Variants in RUNX1T1 observed in about 807,000 individuals in gnomAD.
RUNX1T1 encodes protein CBFA2T1.
Under a neutral mutation model 62.8 loss-of-function variants are expected in RUNX1T1, and 4 were observed. That is an observed-to-expected ratio of 0.06 (90% CI 0.03 to 0.15). The LOEUF is 0.15. RUNX1T1 is among the 10% of genes least tolerant of loss of function. The pLI, the probability that RUNX1T1 is intolerant of heterozygous loss-of-function variation, is 1.00. For missense variants in RUNX1T1, 508 were observed against 754.3 expected, an observed-to-expected ratio of 0.67 and a Z score of 3.82; for synonymous variants, 291 against 286.0, an observed-to-expected ratio of 1.02 and a Z score of -0.18.
intron 1 of RUNX1T1, chr8:92,095,143 A>G (rs1333697453): frequency 1.3e-6 from 2 of 1,535,524 alleles, no homozygotes; most frequent in Admixed American, 2.0e-5. Context: ...TCACTCTGCT[A>G]ATCTTTAAAT....
At chr8:91,967,401 T>C (rs888139258) in intron 10 of RUNX1T1, among the ~76,000 whole-genome samples, 1 of 143,770 alleles carries the variant, frequency 7.0e-6, no homozygotes, top group African/African-American at 2.6e-5. Context: ...CTACAAATAA[T>C]ATCCATGAGT....
intron 1 of RUNX1T1, among the ~76,000 whole-genome samples, chr8:92,080,476 G>A (rs1835078002): frequency 6.6e-6 from 1 of 152,208 alleles, no homozygotes; most frequent in African/African-American, 2.4e-5. Context: ...ACACTGAGCA[G>A]CAGGACACTG....
intron 1 of RUNX1T1, among the ~76,000 whole-genome samples, chr8:92,060,921 AT>A: frequency 7.1e-6 from 1 of 139,880 alleles, no homozygotes; most frequent in Non-Finnish European, 1.6e-5. Context: ...AACACAGTTG[AT>A]GAGAGAGAGA....
chr8:92,015,552 C>G (rs549813589), intron 2 of RUNX1T1, among the ~76,000 whole-genome samples: 1 of 152,206 alleles, frequency 6.6e-6, no homozygotes, highest in Middle Eastern at 3.4e-3. Flanking sequence ...AGACGATAAT[C>G]CCTGTCACTC....
upstream of RUNX1T1, among the ~76,000 whole-genome samples, chr8:92,067,333 A>G (rs1311438611): frequency 6.6e-6 from 1 of 152,178 alleles, no homozygotes; most frequent in Non-Finnish European, 1.5e-5. Context: ...CTGTTTAGAA[A>G]TCCTCATCTA....
At chr8:91,956,916 G>A (rs1299260717), downstream of RUNX1T1, 1 of 161,678 alleles carries the variant, frequency 6.2e-6, no homozygotes, top group Non-Finnish European at 1.3e-5. Context: ...GGCATGCTTT[G>A]CATAAGTAAA....
intron 1 of RUNX1T1, among the ~76,000 whole-genome samples, chr8:92,022,315 G>A (rs896684144): frequency 6.6e-6 from 1 of 152,148 alleles, no homozygotes; most frequent in Admixed American, 6.5e-5. Flanking sequence ...ATAACAATGG[G>A]AAGATGCTGG....
exon 11 of RUNX1T1, chr8:91,959,651 C>T (rs750533006): frequency 1.5e-4 from 35 of 227,346 alleles, no homozygotes; most frequent in Non-Finnish European, 2.9e-4. Context: ...AACCGAACAT[C>T]TGTGTCTCCT....
chr8:92,095,410 A>G, intron 1 of RUNX1T1: 2 of 1,535,558 alleles, frequency 1.3e-6, no homozygotes, highest in Non-Finnish European at 1.7e-6. Flanking sequence ...GCGGCTTTGT[A>G]TTCATTAAAC....
chr8:91,979,305 C>A (rs1254714066), intron 8 of RUNX1T1, among the ~76,000 whole-genome samples: 1 of 152,126 alleles, frequency 6.6e-6, no homozygotes, highest in South Asian at 2.1e-4. Flanking sequence ...TAGGACTTTA[C>A]TATTTTAGAA....
chr8:91,994,531 T>A (rs1818314884), intron 5 of RUNX1T1: 1 of 484,894 alleles, frequency 2.1e-6, no homozygotes, highest in Non-Finnish European at 4.1e-6. Context: ...GGACTGGGAA[T>A]CAAGAGACCT....
rs193193155 is a variant in RUNX1T1 at position 91,995,460 on chromosome 8, T to G, written c.660-3571A>C. 1.8e-3 allele frequency among the ~76,000 whole-genome samples: 274 copies of G among 152,256 alleles called. 1 individual carries two copies. Among genetic ancestry groups the G allele is most frequent in the Middle Eastern group, 3.4e-3 (1 of 294 alleles). On this transcript the variant is annotated intron_variant, in intron 5 of 10. Coordinates refer to ENST00000396218, the Ensembl canonical transcript of RUNX1T1. ...ACTGAAATAATAAAAGCTCATCACC[T>G]CATAAGGATAGTTTACATTCTAACA...
intron 8 of RUNX1T1, 72 bp from the exon 10 acceptor site, chr8:91,976,045 G>T: frequency 9.3e-7 from 1 of 1,074,312 alleles, no homozygotes; most frequent in Non-Finnish European, 1.4e-6. Context: ...ATCGCACAGA[G>T]TGAAAGTAAG....
chr8:92,048,331 T>C (rs1182320348), intron 1 of RUNX1T1, among the ~76,000 whole-genome samples: 2 of 152,144 alleles, frequency 1.3e-5, no homozygotes, highest in African/African-American at 4.8e-5. Flanking sequence ...AAACCCTGTG[T>C]ATGCAACGTG....
intron 10 of RUNX1T1, among the ~76,000 whole-genome samples, chr8:91,968,555 C>T (rs1199257662): frequency 6.6e-6 from 1 of 152,144 alleles, no homozygotes; most frequent in African/African-American, 2.4e-5. Flanking sequence ...TTATTTACAG[C>T]ATTTTTGGAG....
chr8:92,041,989 T>A (rs149761295), intron 1 of RUNX1T1, among the ~76,000 whole-genome samples: 330 of 151,996 alleles, frequency 2.2e-3, no homozygotes, highest in African/African-American at 7.3e-3. Flanking sequence ...CAGCTAATTT[T>A]TTTTTGTATT....
intron 10 of RUNX1T1, among the ~76,000 whole-genome samples, chr8:91,969,766 C>T (rs924616183): frequency 1.3e-5 from 2 of 152,160 alleles, no homozygotes; most frequent in Admixed American, 6.5e-5. Context: ...TACTTACTCT[C>T]CCTCACAAAT....
chr8:91,997,450 T>G (rs1285764218), intron 5 of RUNX1T1, among the ~76,000 whole-genome samples: 1 of 152,088 alleles, frequency 6.6e-6, no homozygotes, highest in African/African-American at 2.4e-5. Flanking sequence ...AGAAGAAACT[T>G]AATTTCTAAT....
chr8:92,072,214 G>A (rs866914998), intron 2 of RUNX1T1, among the ~76,000 whole-genome samples: 4 of 152,038 alleles, frequency 2.6e-5, no homozygotes, highest in Non-Finnish European at 5.9e-5. Context: ...GATTTTGATA[G>A]TCCAGTTTAC....
Sources: allele counts gnomAD v4.1 joint callset (sites outside exome capture counted in the v4.1 genomes callset), GRCh38; gene constraint gnomAD v4.1.1; transcripts MANE v1.5; gene names NCBI Gene and HGNC (gene_info 2026-07-23, HGNC 2026-07-21).